MMP26: variants seen among roughly 807,000 people sequenced by gnomAD.
The protein encoded by MMP26 is matrix metalloproteinase-26.
Under a neutral mutation model 31.0 loss-of-function variants are expected in MMP26, and 33 were observed. The ratio of observed to expected loss-of-function variants is 1.06; its 90% confidence interval spans 0.81 to 1.42. The LOEUF (loss-of-function observed/expected upper bound fraction) is 1.42. MMP26 is among the 40% of genes most tolerant of loss of function. MMP26 has a pLI of 0.00. For synonymous variants in MMP26, 122 were observed against 114.9 expected, an observed-to-expected ratio of 1.06 and a Z score of -0.40; for missense variants, 347 against 316.1, an observed-to-expected ratio of 1.10 and a Z score of -0.74.
At chr11:4,946,308 A>G (rs1846302465) in intron 2 of MMP26, 1 of 1,613,876 alleles carries the variant, frequency 6.2e-7, no homozygotes, top group Non-Finnish European at 8.5e-7. Context: ...TGCCGGGCAA[A>G]GCGGTGGACA....
intron 2 of MMP26, among the ~76,000 whole-genome samples, chr11:4,777,056 A>G (rs1359908413): frequency 6.6e-6 from 1 of 152,200 alleles, no homozygotes; most frequent in East Asian, 1.9e-4. Flanking sequence ...CAAGGGTACT[A>G]GGACAGAATT....
At chr11:4,906,090 C>T (rs968103599) in intron 2 of MMP26, among the ~76,000 whole-genome samples, 14 of 152,262 alleles carry the variant, frequency 9.2e-5, no homozygotes, top group African/African-American at 2.6e-4. Context: ...TGTAGAGCTT[C>T]AAATGGTTTC....
intron 2 of MMP26, among the ~76,000 whole-genome samples, chr11:4,893,052 G>A (rs1850650323): frequency 6.6e-6 from 1 of 151,704 alleles, no homozygotes; most frequent in Admixed American, 6.6e-5. Context: ...GATACCTTGG[G>A]CTTTGTTCTC....
chr11:4,928,956 C>T (rs1331592326), intron 2 of MMP26, among the ~76,000 whole-genome samples: 2 of 152,098 alleles, frequency 1.3e-5, no homozygotes, highest in Non-Finnish European at 2.9e-5. Flanking sequence ...TAACTTTTTC[C>T]AGGTCCAATT....
intron 1 of MMP26, among the ~76,000 whole-genome samples, chr11:4,717,607 A>G (rs1589882324): frequency 1.3e-5 from 2 of 152,098 alleles, no homozygotes; most frequent in South Asian, 2.1e-4. Flanking sequence ...TTGGAAAACA[A>G]TGTGTGTACA....
intron 1 of MMP26, among the ~76,000 whole-genome samples, chr11:4,716,171 C>A (rs773764082): frequency 2.0e-5 from 3 of 152,186 alleles, no homozygotes; most frequent in Non-Finnish European, 4.4e-5. Flanking sequence ...TAATTAAGAA[C>A]AATCTCCAAT....
chr11:4,716,650 C>CTTTTTTTTTTTTTTTTTTTTT (rs71050424), intron 1 of MMP26, among the ~76,000 whole-genome samples: 1 of 65,004 alleles, frequency 1.5e-5, no homozygotes, highest in Non-Finnish European at 2.6e-5. Context: ...TCTCTTACCT[C>CTTTTTTTTTTTTTTTTTTTTT]TTTTTTTTTT....
chr11:4,854,444 C>G (rs1210846685), intron 2 of MMP26, among the ~76,000 whole-genome samples: 2 of 152,194 alleles, frequency 1.3e-5, no homozygotes, highest in Non-Finnish European at 2.9e-5. Flanking sequence ...GGGTCCCACG[C>G]CCACGGAACC....
At chr11:4,856,038 C>T (rs901875107) in intron 2 of MMP26, among the ~76,000 whole-genome samples, 1 of 152,102 alleles carries the variant, frequency 6.6e-6, no homozygotes, top group African/African-American at 2.4e-5. Flanking sequence ...ATTTTGTCAC[C>T]ACCAGGCCTG....
At chr11:4,783,827 C>T (rs955635777) in intron 2 of MMP26, among the ~76,000 whole-genome samples, 2 of 152,122 alleles carry the variant, frequency 1.3e-5, no homozygotes, top group Non-Finnish European at 2.9e-5. Flanking sequence ...TTTCTCTTGG[C>T]GCTCATTCTC....
At chr11:4,725,088 T>C (rs1212673158) in intron 1 of MMP26, among the ~76,000 whole-genome samples, 1 of 152,112 alleles carries the variant, frequency 6.6e-6, no homozygotes, top group East Asian at 1.9e-4. Context: ...CACCTCCCCC[T>C]TGCTCCTTCT....
At chr11:4,716,518 GT>G (rs1847931507) in intron 1 of MMP26, among the ~76,000 whole-genome samples, 2 of 151,960 alleles carry the variant, frequency 1.3e-5, no homozygotes, top group African/African-American at 4.8e-5. Flanking sequence ...TAAGAAGAAC[GT>G]TGTTCTTGTT....
rs1335299957 is a variant in MMP26, at chr11:4,815,629, C to CT, written c.-145+48295dup. ...ACACAGCAAATTTATCATTTATGTA[C>CT]TTTTTTTGGAATGAAAAATCCTGGA... On this transcript the variant is annotated intron_variant, in intron 2 of 7. Transcript: ENST00000380390. Among the ~76,000 whole-genome samples the CT allele has an allele frequency of 1.1e-4, 17 of 151,616 alleles. No individual in the cohort carries two copies. In the East Asian group the frequency reaches 2.5e-3, roughly 22 times the overall value.
At chr11:4,764,974 C>T (rs1254825268) in intron 1 of MMP26, among the ~76,000 whole-genome samples, 2 of 152,204 alleles carry the variant, frequency 1.3e-5, no homozygotes, top group Non-Finnish European at 2.9e-5. Context: ...TCAAGGGAGA[C>T]ACATGAGGAC....
At chr11:4,897,287 ATG>A (rs1850720945) in intron 2 of MMP26, among the ~76,000 whole-genome samples, 1 of 151,938 alleles carries the variant, frequency 6.6e-6, no homozygotes, top group Non-Finnish European at 1.5e-5. Context: ...TTACAGACAC[ATG>A]CCACCACGCC....
At chr11:4,888,974 C>T (rs1850580137) in intron 2 of MMP26, among the ~76,000 whole-genome samples, 1 of 152,140 alleles carries the variant, frequency 6.6e-6, no homozygotes, top group Non-Finnish European at 1.5e-5. Flanking sequence ...GGAGTACAAT[C>T]CCTGCTTTCA....
chr11:4,815,025 A>G (rs1312470576), intron 2 of MMP26, among the ~76,000 whole-genome samples: 1 of 152,082 alleles, frequency 6.6e-6, no homozygotes, highest in African/African-American at 2.4e-5. Context: ...TAAGATATAC[A>G]TTTTTTTCAG....
chr11:4,828,119 T>C (rs957341022), intron 2 of MMP26, among the ~76,000 whole-genome samples: 3 of 152,174 alleles, frequency 2.0e-5, no homozygotes, highest in African/African-American at 7.2e-5. Flanking sequence ...TATACATTTT[T>C]CTGAATGTGA....
At chr11:4,989,969 C>A in intron 4 of MMP26, 101 bp downstream of exon 4, 2 of 929,892 alleles carry the variant, frequency 2.2e-6, no homozygotes, top group Non-Finnish European at 3.2e-6. Flanking sequence ...CTTCTGCTTT[C>A]ATTGGCAGCC....
Sources: gnomAD v4.1 joint callset for allele counts (sites outside exome capture counted in the v4.1 genomes callset) on GRCh38, gnomAD v4.1.1 for gene constraint, MANE v1.5 for transcripts, NCBI Gene and HGNC (gene_info 2026-07-23, HGNC 2026-07-21) for gene names.